Variants in CSMD3 observed in about 807,000 individuals in gnomAD.
The protein encoded by CSMD3 is CUB and Sushi multiple domains 3, also known as CUB and sushi domain-containing protein 3.
Under a neutral mutation model 435.2 loss-of-function variants are expected in CSMD3, and 177 were observed. That is an observed-to-expected ratio of 0.41 (90% confidence interval 0.36 to 0.46). CSMD3 has a LOEUF of 0.46. CSMD3 is among the 20% of genes least tolerant of loss of function. CSMD3 has a pLI of 0.34. For missense variants in CSMD3, 4,265 were observed against 4,504.6 expected (o/e 0.95, Z 1.52); for synonymous variants, 1,656 against 1,520.5 (o/e 1.09, Z -2.07).
chr8:112,889,245 G>A (rs752299654), intron 10 of CSMD3, among the ~76,000 whole-genome samples: 1 of 151,572 alleles, frequency 6.6e-6, no homozygotes, highest in African/African-American at 2.4e-5. Flanking sequence ...GATTTAGAGA[G>A]CAATGAGATA....
chr8:113,403,948 T>C (rs1438401424), intron 1 of CSMD3, among the ~76,000 whole-genome samples: 1 of 151,402 alleles, frequency 6.6e-6, no homozygotes, highest in East Asian at 1.9e-4. Context: ...GAGTGAAAAA[T>C]TCAACCACCA....
chr8:113,254,323 A>C (rs2093361554), intron 3 of CSMD3, among the ~76,000 whole-genome samples: 2 of 152,236 alleles, frequency 1.3e-5, no homozygotes, highest in Non-Finnish European at 2.9e-5. Context: ...GGAAGCGTGC[A>C]TGATTGAATG....
At chr8:113,427,662 G>A (rs1415420220) in intron 1 of CSMD3, among the ~76,000 whole-genome samples, 1 of 151,398 alleles carries the variant, frequency 6.6e-6, no homozygotes, top group Non-Finnish European at 1.5e-5. Context: ...GGACACTTAT[G>A]GACTGAAATA....
intron 18 of CSMD3, among the ~76,000 whole-genome samples, chr8:112,651,171 AT>A (rs1435555811): frequency 2.0e-5 from 3 of 152,120 alleles, no homozygotes; most frequent in Non-Finnish European, 4.4e-5. Context: ...ACAAGTAATT[AT>A]TTTTTTCTTC....
chr8:112,436,456 A>C (rs1236585822), intron 32 of CSMD3, among the ~76,000 whole-genome samples: 4 of 151,846 alleles, frequency 2.6e-5, no homozygotes, highest in Non-Finnish European at 4.4e-5. Flanking sequence ...TAAAATCATA[A>C]AACAGAAAAA....
In CSMD3 at chr8:112,248,624, T is replaced by A. The variant is rs981446291; in HGVS notation, c.10111-1493A>T. On this transcript the variant is annotated intron_variant, in intron 63 of 70. Transcript: ENST00000297405. ...TCAGATCCTTTTTTCTGCCTTCCCC[T>A]TAATTCCTACCCCCTCTTGAGCGGA... Among the ~76,000 whole-genome samples the A allele has an allele frequency of 3.9e-5, 6 of 152,102 alleles. No homozygotes were observed. The East Asian group carries it at 1.2e-3, about 29-fold the overall frequency.
At chr8:112,656,122 T>A in intron 18 of CSMD3, 32 bp downstream of exon 18, 1 of 1,165,340 alleles carries the variant, frequency 8.6e-7, no homozygotes, top group East Asian at 2.3e-5. Flanking sequence ...GCAAACAGAA[T>A]GAGGAAATCA....
chr8:112,689,837 G>A (rs2076093142), intron 14 of CSMD3, 31 bp downstream of exon 14: 1 of 1,583,806 alleles, frequency 6.3e-7, no homozygotes. Context: ...GGTAACATAT[G>A]CTATCTGGAA....
At chr8:112,982,598 T>A (rs185633242) in intron 6 of CSMD3, among the ~76,000 whole-genome samples, 33 of 152,106 alleles carry the variant, frequency 2.2e-4, no homozygotes, top group Admixed American at 2.2e-3. Context: ...CATGGAAGAA[T>A]ATTTTATTGC....
intron 5 of CSMD3, among the ~76,000 whole-genome samples, chr8:113,063,971 C>T (rs1036039709): frequency 1.3e-4 from 19 of 151,174 alleles, no homozygotes; most frequent in African/African-American, 4.6e-4. Context: ...ATAGTAAGGT[C>T]TAAGCAATGA....
chr8:112,349,797 T>A (rs1825981881), intron 40 of CSMD3, among the ~76,000 whole-genome samples: 2 of 152,186 alleles, frequency 1.3e-5, no homozygotes, highest in Non-Finnish European at 2.9e-5. Flanking sequence ...ATTAAACACA[T>A]CATCACTCTT....
At chr8:112,970,047 T>A (rs2084586167) in intron 7 of CSMD3, among the ~76,000 whole-genome samples, 1 of 151,740 alleles carries the variant, frequency 6.6e-6, no homozygotes, top group Non-Finnish European at 1.5e-5. Context: ...TAAGACTGGG[T>A]TTTTATACAG....
At position 112,324,253 on chromosome 8, in the gene CSMD3, G is replaced by A. The variant is rs539190491; in HGVS notation, c.7166-4272C>T. ...CCACATCTTCATTTCTGGCAAGCTTGCCAGCCTAGAAATTGGCACCATAAT... is the reference window on the plus strand; with the variant it reads ...CCACATCTTCATTTCTGGCAAGCTTACCAGCCTAGAAATTGGCACCATAAT... On this transcript the variant is annotated intron_variant, in intron 45 of 70. Transcript: ENST00000297405. Among the ~76,000 whole-genome samples, 165 of 152,068 alleles carry A rather than the reference G, an allele frequency of 1.1e-3. 2 individuals are homozygous for A. Among genetic ancestry groups the A allele is most frequent in the Middle Eastern group, 6.8e-3 (2 of 294 alleles).
intron 5 of CSMD3, among the ~76,000 whole-genome samples, chr8:113,072,537 C>G (rs1169322605): frequency 2.3e-4 from 35 of 151,758 alleles, no homozygotes; most frequent in Non-Finnish European, 7.4e-5. Flanking sequence ...TCTTTGATCT[C>G]ATCTACTACT....
At chr8:112,499,931 A>ATTTTTGT (rs1275558620) in intron 30 of CSMD3, among the ~76,000 whole-genome samples, 1 of 152,112 alleles carries the variant, frequency 6.6e-6, no homozygotes, top group Non-Finnish European at 1.5e-5. Flanking sequence ...CAACATGGTG[A>ATTTTTGT]AACCCCGTCT....
chr8:113,428,250 ATCTATCTATCTT>A (rs1449377353), intron 1 of CSMD3, among the ~76,000 whole-genome samples: 61 of 133,538 alleles, frequency 4.6e-4, no homozygotes, highest in African/African-American at 1.6e-3. Flanking sequence ...CTATCTATCT[ATCTATCTATCTT>A]TCTGTCTAAT....
chr8:112,316,963 T>A (rs1822537263), intron 47 of CSMD3, among the ~76,000 whole-genome samples: 4 of 152,004 alleles, frequency 2.6e-5, no homozygotes, highest in African/African-American at 9.6e-5. Context: ...CGATGTAGGT[T>A]AATTCTAGCC....
At chr8:112,628,575 T>A (rs1834683447) in intron 22 of CSMD3, among the ~76,000 whole-genome samples, 1 of 152,202 alleles carries the variant, frequency 6.6e-6, no homozygotes, top group East Asian at 1.9e-4. Flanking sequence ...GGAGCACAGC[T>A]TTGTTCATGT....
intron 38 of CSMD3, among the ~76,000 whole-genome samples, chr8:112,366,115 A>G (rs1372826303): frequency 6.6e-6 from 1 of 152,192 alleles, no homozygotes; most frequent in Admixed American, 6.5e-5. Flanking sequence ...GGCTACCAAA[A>G]GGTGGAAGTG....
Sources: allele counts gnomAD v4.1 joint callset (sites outside exome capture counted in the v4.1 genomes callset), GRCh38; gene constraint gnomAD v4.1.1; transcripts MANE v1.5; gene names NCBI Gene and HGNC (gene_info 2026-07-23, HGNC 2026-07-21).